The following MYCT1 variants were observed in gnomAD, a reference collection of about 807,000 sequenced individuals.
MYCT1 encodes MYC target 1.
A neutral mutation model predicts 15.0 loss-of-function variants in MYCT1; 12 were observed. That is an observed-to-expected ratio of 0.80 (90% confidence interval 0.51 to 1.29). MYCT1 has a LOEUF of 1.29. Ranked by LOEUF, MYCT1 falls within the 50% of genes most tolerant of loss-of-function variation. The pLI is 0.00. For missense variants in MYCT1, 287 were observed against 279.1 expected (o/e 1.03, Z -0.20); for synonymous variants, 104 against 102.7 (o/e 1.01, Z -0.07).
At chr6:152,734,192 A>G in the MYCT1 span, among the ~76,000 whole-genome samples, 1 of 152,110 alleles carries the variant, frequency 6.6e-6, no homozygotes, top group Non-Finnish European at 1.5e-5. Flanking sequence ...AATCATAAGT[A>G]TCTTGTGAGA....
At chr6:152,708,753 G>A (rs2099722720) in intron 1 of MYCT1, among the ~76,000 whole-genome samples, 1 of 151,964 alleles carries the variant, frequency 6.6e-6, no homozygotes, top group South Asian at 2.1e-4. Context: ...AAAGATCCCA[G>A]TTTTCATTAT....
intron 1 of MYCT1, among the ~76,000 whole-genome samples, chr6:152,704,130 G>A (rs1240391940): frequency 2.0e-5 from 3 of 151,894 alleles, no homozygotes; most frequent in Non-Finnish European, 4.4e-5. Context: ...CCACATAGCT[G>A]GGACTACAGG....
the MYCT1 span, among the ~76,000 whole-genome samples, chr6:152,737,419 A>G: frequency 6.6e-6 from 1 of 152,060 alleles, no homozygotes; most frequent in Non-Finnish European, 1.5e-5. Flanking sequence ...ATCTATTTCT[A>G]AAGTCTCCCA....
chr6:152,706,864 TG>T (rs1441736214), intron 1 of MYCT1, among the ~76,000 whole-genome samples: 1 of 151,978 alleles, frequency 6.6e-6, no homozygotes, highest in African/African-American at 2.4e-5. Flanking sequence ...TGTGTGTGTG[TG>T]TGTGTGTGTA....
the MYCT1 span, among the ~76,000 whole-genome samples, chr6:152,743,053 G>GT: frequency 2.7e-5 from 4 of 149,200 alleles, no homozygotes; most frequent in African/African-American, 1.0e-4. Flanking sequence ...TTATTTTGTA[G>GT]TTGTTGTTGT....
chr6:152,703,558 T>C (rs74649351), intron 1 of MYCT1, among the ~76,000 whole-genome samples: 2,691 of 151,972 alleles, frequency 0.018, 88 homozygotes, highest in African/African-American at 0.062. Flanking sequence ...TTCCCCCTAA[T>C]TACTTTAGTA....
At chr6:152,704,678 T>C (rs777392777) in intron 1 of MYCT1, among the ~76,000 whole-genome samples, 26 of 152,292 alleles carry the variant, frequency 1.7e-4, no homozygotes, top group Middle Eastern at 3.4e-3. Flanking sequence ...AGGATTACTT[T>C]GGCTTTTCGT....
At chr6:152,737,713 T>C in the MYCT1 span, among the ~76,000 whole-genome samples, 1 of 152,160 alleles carries the variant, frequency 6.6e-6, no homozygotes, top group African/African-American at 2.4e-5. Context: ...CCCTCTTATT[T>C]ACTACTAGAA....
the MYCT1 span, among the ~76,000 whole-genome samples, chr6:152,735,752 T>C: frequency 1.3e-5 from 2 of 152,256 alleles, no homozygotes; most frequent in East Asian, 3.9e-4. Flanking sequence ...GTTTAAAATA[T>C]TTGTTTACTT....
rs1354712272 is a variant in MYCT1, at chr6:152,723,086, T to C, written c.*833T>C. 6.6e-6 allele frequency: 1 copy of C among 152,646 alleles called. No homozygotes were observed. Among genetic ancestry groups the C allele is most frequent in the Non-Finnish European group, 1.5e-5 (1 of 68,340 alleles). The allele number at this position is 152,646 out of a possible 1,614,324, so 9.5% of individuals were successfully genotyped here. On this transcript the variant is annotated 3_prime_UTR_variant, in exon 2 of 2. Transcript: ENST00000367245. ...TGACAGAACATAGGACATTCTAAAG[T>C]TCCTTGATTTGATCATTATAAGAAG...
chr6:152,705,476 T>C (rs1295276655), intron 1 of MYCT1, among the ~76,000 whole-genome samples: 1 of 152,060 alleles, frequency 6.6e-6, no homozygotes. Flanking sequence ...TGTCCTTCTG[T>C]GCCTGGTTTA....
At chr6:152,730,877 C>T in the MYCT1 span, among the ~76,000 whole-genome samples, 1 of 152,048 alleles carries the variant, frequency 6.6e-6, no homozygotes, top group Non-Finnish European at 1.5e-5. Context: ...TGTGTCTAAG[C>T]ATATTATCTG....
chr6:152,701,166 A>G (rs1411117871), intron 1 of MYCT1, among the ~76,000 whole-genome samples: 1 of 152,200 alleles, frequency 6.6e-6, no homozygotes, highest in East Asian at 1.9e-4. Context: ...TCTAAGAAGG[A>G]CATTCTAGTC....
chr6:152,722,682 TTTTAC>T lies in MYCT1; in HGVS notation c.*433_*437del. ...AGAAAAATCTTCTAAGGGATTTGGA[TTTTAC>T]TTTCTTTAGAATGACAAGTGAATCA... On this transcript the variant is annotated 3_prime_UTR_variant, in exon 2 of 2. Transcript: ENST00000367245. The T allele has an allele frequency of 3.2e-6, 1 of 314,900 alleles. No homozygotes were observed. The allele number at this position is 314,900 out of a possible 1,614,324, so 19.5% of individuals were successfully genotyped here. A position where few individuals can be genotyped will look rare whatever the true frequency, so the allele number is the denominator to read the frequency against.
intron 1 of MYCT1, among the ~76,000 whole-genome samples, chr6:152,717,514 G>T (rs1046665491): frequency 5.9e-5 from 9 of 152,122 alleles, no homozygotes; most frequent in African/African-American, 2.2e-4. Context: ...TTCCTGTGCT[G>T]TTCTTGTGAT....
chr6:152,727,251 T>C (rs2099725816), downstream of MYCT1, among the ~76,000 whole-genome samples: 1 of 152,026 alleles, frequency 6.6e-6, no homozygotes, highest in African/African-American at 2.4e-5. Context: ...TAAACCTCAT[T>C]TGTGCCCATG....
At chr6:152,720,935 A>G (rs905983939) in intron 1 of MYCT1, among the ~76,000 whole-genome samples, 5 of 152,220 alleles carry the variant, frequency 3.3e-5, no homozygotes, top group Admixed American at 3.3e-4. Context: ...TAGCATTTCC[A>G]TTAGGAAAAG....
At chr6:152,698,777 G>A (rs1356559669) in intron 1 of MYCT1, among the ~76,000 whole-genome samples, 1 of 152,172 alleles carries the variant, frequency 6.6e-6, no homozygotes, top group Non-Finnish European at 1.5e-5. Flanking sequence ...TATCACAGGG[G>A]TTGGGGGGAA....
the MYCT1 span, among the ~76,000 whole-genome samples, chr6:152,731,211 T>C: frequency 8.7e-6 from 1 of 115,026 alleles, no homozygotes. Context: ...TGTTAGTGTG[T>C]ACCTAGCGTG....
Sources: allele counts gnomAD v4.1 joint callset (sites outside exome capture counted in the v4.1 genomes callset), GRCh38; gene constraint gnomAD v4.1.1; transcripts MANE v1.5; gene names NCBI Gene and HGNC (gene_info 2026-07-23, HGNC 2026-07-21).